The following TRPV6 variants were observed in gnomAD, a reference collection of about 807,000 sequenced individuals.
TRPV6 encodes transient receptor potential cation channel subfamily V member 6, also known as Alu-binding protein with zinc finger domain.
Under a neutral mutation model 79.0 loss-of-function variants are expected in TRPV6, and 39 were observed. The observed-to-expected ratio is 0.49, with a 90% confidence interval of 0.38 to 0.64. The LOEUF is 0.64. TRPV6 is among the 30% of genes least tolerant of loss of function. TRPV6 has a pLI of 0.00. For synonymous variants in TRPV6, 373 were observed against 391.9 expected, an observed-to-expected ratio of 0.95 and a Z score of 0.57; for missense variants, 813 against 1,011.1, an observed-to-expected ratio of 0.80 and a Z score of 2.66.
intron 1 of TRPV6, chr7:142,879,164 T>G (rs1795144833): frequency 6.6e-6 from 1 of 152,230 alleles, no homozygotes; most frequent in Admixed American, 6.5e-5. Context: ...GAGGATTCAT[T>G]CATCGAATTT....
chr7:142,874,848 A>C, intron 10 of TRPV6, 56 bp downstream of exon 10: 1 of 1,604,160 alleles, frequency 6.2e-7, no homozygotes, highest in Non-Finnish European at 8.5e-7. Context: ...GAATCCAAGG[A>C]GTGGAACTGG....
intron 1 of TRPV6, 25 bp from the exon 2 acceptor site, chr7:142,878,051 C>G (rs1054752054): frequency 6.3e-7 from 1 of 1,589,414 alleles, no homozygotes; most frequent in Non-Finnish European, 8.6e-7. Context: ...AATAGGAAAG[C>G]TGGAAACAGT....
intron 1 of TRPV6, chr7:142,878,774 T>C (rs1795135209): frequency 6.6e-6 from 1 of 152,294 alleles, no homozygotes; most frequent in Admixed American, 6.5e-5. Context: ...ACAGCCTTCC[T>C]TCTTAAAGTG....
rs1794995270 is a variant in TRPV6, at chr7:142,873,774, C to T, written c.1640-58G>A. The stretch of plus-strand genomic sequence containing the variant: ...GCAACCATGCAGACGACCAGCCCAC[C>T]CCGGGCTCTGCGTGCATGTCCATCC... On this transcript the variant is annotated intron_variant, in intron 12 of 14. Coordinates refer to ENST00000359396, the MANE Select transcript of TRPV6 (RefSeq NM_018646.6). The surrounding 1 kb of genome is among the most constrained non-coding windows in gnomAD (Gnocchi z 4.8). 1.9e-6 allele frequency: 3 copies of T among 1,600,076 alleles called. No homozygotes were observed. The highest frequency in any genetic ancestry group is 2.6e-6 in the Non-Finnish European group (3 of 1,169,618).
rs1228359025 is a variant in TRPV6 at position 142,873,979 on chromosome 7, G to A, written c.1639+97C>T. Reference sequence around the variant, plus strand: ...ATACCATAGGTCTCCTCTGATCTCTGCATTACTCCTCCTCCCCAAGTTTAG... The same window carrying A: ...ATACCATAGGTCTCCTCTGATCTCTACATTACTCCTCCTCCCCAAGTTTAG... On this transcript the variant is annotated intron_variant, in intron 12 of 14. Transcript: ENST00000359396. This position sits in a 1 kb window ranked among gnomAD's most constrained non-coding sequence, Gnocchi z 4.8. 1 of 1,377,610 alleles carries A rather than the reference G, an allele frequency of 7.3e-7. No individual in the cohort carries two copies. Among genetic ancestry groups the A allele is most frequent in the South Asian group, 1.2e-5 (1 of 81,680 alleles). The allele number at this position is 1,377,610 out of a possible 1,614,324, so 85.3% of individuals were successfully genotyped here. A position where few individuals can be genotyped will look rare whatever the true frequency, so the allele number is the denominator to read the frequency against.
chr7:142,872,126 C>T, intron 14 of TRPV6, 137 bp from the exon 15 acceptor site: 3 of 1,301,176 alleles, frequency 2.3e-6, no homozygotes, highest in Admixed American at 2.8e-5. Flanking sequence ...ATGGTGGATG[C>T]CTGGGTCACT....
Position 142,876,719 on chromosome 7 carries a change from C to G in TRPV6, c.706+20G>C, listed in dbSNP as rs775403586. On this transcript the variant is annotated intron_variant, in intron 5 of 14. Coordinates refer to ENST00000359396, the MANE Select transcript of TRPV6 (RefSeq NM_018646.6). ...CACTCCCTGCAGCATCCCAGCTCCC[C>G]TCCCCATCTCAGCTCTTACCCAGGG... 2.5e-6 allele frequency: 4 copies of G among 1,614,078 alleles called. No homozygotes were observed. The Admixed American group carries it at 6.7e-5, about 27-fold the overall frequency.
chr7:142,877,761 T>TC lies in TRPV6; in HGVS notation c.358dup (p.Glu120GlyfsTer11). 6.2e-7 allele frequency: 1 copy of TC among 1,614,114 alleles called. No homozygotes were observed. ...GAGGGCTGCTATGTGTAGCGCTGTT[T>TC]CCCCCATGGCTCCTGGCATTTACAG... On this transcript the variant is annotated frameshift_variant, in exon 3 of 15. Transcript: ENST00000359396. LOFTEE classifies it high-confidence loss of function.
At position 142,871,941 on chromosome 7, in the gene TRPV6, T is replaced by C. The variant is rs747527676; in HGVS notation, c.2064A>G (p.Ala688=). 6.2e-7 allele frequency: 1 copy of C among 1,612,492 alleles called. No individual in the cohort carries two copies. Among genetic ancestry groups the C allele is most frequent in the Admixed American group, 1.7e-5 (1 of 59,942 alleles). ...CAGAGCCCCGGGTGTGGAAGGCCTG[T>C]GCGTAGCGTTGGATCCGCTGCCGGT... Residue 688 remains alanine (A), a synonymous_variant, in exon 15 of 15, where the codon GCA becomes GCG. Transcript: ENST00000359396.
chr7:142,874,368 A>G, intron 11 of TRPV6, 123 bp downstream of exon 11: 1 of 1,332,000 alleles, frequency 7.5e-7, no homozygotes, highest in South Asian at 1.3e-5. Flanking sequence ...AAGAAGAAAA[A>G]CATGCAGTGA....
At position 142,874,479 on chromosome 7, in the gene TRPV6, G is replaced by A. The variant is rs371949288; in HGVS notation, c.1572+12C>T. 8 of 1,613,936 alleles carry A rather than the reference G, an allele frequency of 5.0e-6. No individual in the cohort carries two copies. Among genetic ancestry groups the A allele is most frequent in the African/African-American group, 4.0e-5 (3 of 74,916 alleles). On this transcript the variant is annotated intron_variant, in intron 11 of 14. Transcript: ENST00000359396. ...GGGGCCTTTCTCTAGGGAGCTTGGG[G>A]GGAGGACTGACCTTCTGAATCATGA...
intron 1 of TRPV6, chr7:142,879,416 C>T (rs113008677): frequency 3.0e-4 from 45 of 152,284 alleles, no homozygotes; most frequent in African/African-American, 8.9e-4. Flanking sequence ...ACATGGGTCC[C>T]TTTGATTCAA....
chr7:142,876,074 G>A (rs1040067895), intron 6 of TRPV6, 170 bp from the exon 7 acceptor site: 6 of 743,254 alleles, frequency 8.1e-6, no homozygotes, highest in Non-Finnish European at 1.3e-5. Context: ...GACATTCATA[G>A]GTTCCTCATC....
Position 142,877,145 on chromosome 7 carries a change from A to T in TRPV6, c.604T>A (p.Phe202Ile). Residue 202 changes from phenylalanine to isoleucine, a missense_variant, in exon 4 of 15, where the codon TTT (phenylalanine) becomes ATT (isoleucine). Phe to Ile is a conservative substitution (Grantham distance 21). Coordinates refer to ENST00000359396, the MANE Select transcript of TRPV6 (RefSeq NM_018646.6). ...CCAAGCCCAGCCCTGCTCTCACCAA[A>T]GTAGATGAGGTTGCAGGGACTACGG... The T allele has an allele frequency of 6.2e-7, 1 of 1,614,024 alleles. No individual in the cohort carries two copies. Among genetic ancestry groups the T allele is most frequent in the African/African-American group, 1.3e-5 (1 of 75,018 alleles).
rs1563352199 is a variant in TRPV6, at chr7:142,871,795, C to G, written c.2210G>C (p.Arg737Thr). The G allele has an allele frequency of 6.2e-7, 1 of 1,614,224 alleles. No individual in the cohort carries two copies. Among genetic ancestry groups the G allele is most frequent in the Non-Finnish European group, 8.5e-7 (1 of 1,180,032 alleles). The change falls in exon 15 of 15, where the codon AGG becomes ACG. Residue 737 changes from arginine (R) to threonine (T), a missense_variant. Coordinates refer to ENST00000359396, the MANE Select transcript of TRPV6 (RefSeq NM_018646.6). ...TCTCCTCAGGGTCCCTTGCCGAAGC[C>G]TTTCCCAATTGGCACTGCTGCGGGA...
At chr7:142,872,714 G>A (rs981264578) in intron 13 of TRPV6, among the ~76,000 whole-genome samples, 5 of 152,090 alleles carry the variant, frequency 3.3e-5, no homozygotes, top group Admixed American at 6.6e-5. Context: ...AAATAGAAAG[G>A]GCTTTTAAGG....
At chr7:142,877,532 A>C (rs534252270) in intron 3 of TRPV6, 119 bp downstream of exon 3, 3 of 1,507,658 alleles carry the variant, frequency 2.0e-6, no homozygotes, top group Admixed American at 4.3e-5. Flanking sequence ...CAGAGAAGAG[A>C]AAAAAAGAGT....
At chr7:142,885,308 AGACG>A in intron 1 of TRPV6, 77 bp downstream of exon 1, 12 of 1,487,150 alleles carry the variant, frequency 8.1e-6, no homozygotes, top group Non-Finnish European at 1.1e-5. Context: ...TGCCAAACAA[AGACG>A]GGAGGTGAGG....
intron 8 of TRPV6, 135 bp from the exon 9 acceptor site, chr7:142,875,299 T>A: frequency 7.9e-7 from 1 of 1,269,416 alleles, no homozygotes; most frequent in Non-Finnish European, 1.1e-6. Context: ...AACTCTGCTC[T>A]CAGAGTAAGA....
Sources: gnomAD v4.1 joint callset for allele counts (sites outside exome capture counted in the v4.1 genomes callset) on GRCh38, gnomAD v4.1.1 for gene constraint, Gnocchi (gnomAD v3.1) non-coding constraint, MANE v1.5 for transcripts, NCBI Gene and HGNC (gene_info 2026-07-23, HGNC 2026-07-21) for gene names.